The following SLC49A4 variants were observed in gnomAD, a reference collection of about 807,000 sequenced individuals.
The protein encoded by SLC49A4 is solute carrier family 49 member 4.
A neutral mutation model predicts 50.6 loss-of-function variants in SLC49A4; 36 were observed. That is an observed-to-expected ratio of 0.71 (90% CI 0.55 to 0.94). SLC49A4 has a LOEUF of 0.94. Ranked by LOEUF, SLC49A4 falls within the 40% of genes least tolerant of loss-of-function variation. SLC49A4 has a pLI of 0.00. For synonymous variants in SLC49A4, 248 were observed against 241.2 expected (o/e 1.03, Z -0.26); for missense variants, 503 against 605.7 (o/e 0.83, Z 1.78).
At chr3:122,831,662 C>T (rs1408208727) in intron 3 of SLC49A4, among the ~76,000 whole-genome samples, 1 of 151,922 alleles carries the variant, frequency 6.6e-6, no homozygotes, top group Non-Finnish European at 1.5e-5. Context: ...TGAAAAAATT[C>T]TAAAATTGAT....
At chr3:122,811,392 T>G (rs1286537287) in intron 2 of SLC49A4, among the ~76,000 whole-genome samples, 1 of 152,154 alleles carries the variant, frequency 6.6e-6, no homozygotes, top group Admixed American at 6.5e-5. Flanking sequence ...CAGACAGATG[T>G]CTATTTACTG....
intron 8 of SLC49A4, among the ~76,000 whole-genome samples, chr3:122,878,341 C>CTTTATGCCGAGGAGCTATG (rs1443573953): frequency 6.6e-6 from 1 of 152,196 alleles, no homozygotes; most frequent in South Asian, 2.1e-4. Context: ...TCACCAACCT[C>CTTTATGCCGAGGAGCTATG]TTTATGCCGA....
intron 1 of SLC49A4, among the ~76,000 whole-genome samples, chr3:122,795,926 A>C (rs1936030516): frequency 6.6e-6 from 1 of 152,220 alleles, no homozygotes; most frequent in Non-Finnish European, 1.5e-5. Context: ...AAAGGTCGGA[A>C]AATAGATTGA....
chr3:122,868,541 G>A (rs1163641834), intron 7 of SLC49A4, among the ~76,000 whole-genome samples: 4 of 152,196 alleles, frequency 2.6e-5, no homozygotes, highest in African/African-American at 7.2e-5. Flanking sequence ...CCCACTGAAT[G>A]TATGAGAACT....
At chr3:122,873,957 G>A (rs764066699) in intron 8 of SLC49A4, among the ~76,000 whole-genome samples, 3 of 152,186 alleles carry the variant, frequency 2.0e-5, no homozygotes, top group Non-Finnish European at 4.4e-5. Context: ...TTTTCCAGCC[G>A]ATGGGCACAG....
chr3:122,869,220 G>GT (rs1454550845), intron 7 of SLC49A4, among the ~76,000 whole-genome samples: 1 of 141,090 alleles, frequency 7.1e-6, no homozygotes, highest in Non-Finnish European at 1.5e-5. Flanking sequence ...CTACTCTCCT[G>GT]TGACCCCCCC....
intron 2 of SLC49A4, among the ~76,000 whole-genome samples, chr3:122,811,779 T>C (rs1936303560): frequency 6.6e-6 from 1 of 152,186 alleles, no homozygotes; most frequent in Non-Finnish European, 1.5e-5. Context: ...CAAAATATAT[T>C]GTTTAGTTAA....
At chr3:122,850,039 A>C (rs902969177) in intron 5 of SLC49A4, among the ~76,000 whole-genome samples, 5 of 152,212 alleles carry the variant, frequency 3.3e-5, no homozygotes, top group Non-Finnish European at 7.3e-5. Flanking sequence ...TTATATAAAC[A>C]TGCTCTTTGA....
Position 122,795,197 on chromosome 3 carries a change from GCT to G in SLC49A4, c.9_10del (p.Arg4LeufsTer140), listed in dbSNP as rs1254794739. Reference sequence around the variant, plus strand: ...CTTCGCGGGCGACGCGTCGCCATGGGCTCTCGCTGGAGCAGCGAAGAGGAGAG... The same window carrying G: ...CTTCGCGGGCGACGCGTCGCCATGGGCTCGCTGGAGCAGCGAAGAGGAGAG... On this transcript the variant is annotated frameshift_variant, in exon 1 of 9. Transcript: ENST00000261038. LOFTEE classifies it high-confidence loss of function. 2 of 1,324,364 alleles carry G rather than the reference GCT, an allele frequency of 1.5e-6. No homozygotes were observed. The highest frequency in any genetic ancestry group is 8.4e-5 in the Admixed American group (2 of 23,922). The allele number at this position is 1,324,364 out of a possible 1,614,324, so 82.0% of individuals were successfully genotyped here. A position where few individuals can be genotyped will look rare whatever the true frequency, so the allele number is the denominator to read the frequency against.
At chr3:122,819,615 C>G (rs1936423076) in intron 2 of SLC49A4, among the ~76,000 whole-genome samples, 1 of 152,104 alleles carries the variant, frequency 6.6e-6, no homozygotes, top group Non-Finnish European at 1.5e-5. Flanking sequence ...TGAAAGAAAA[C>G]TGAGGCTGTG....
chr3:122,836,503 G>A (rs2107569634), intron 4 of SLC49A4, among the ~76,000 whole-genome samples: 1 of 152,166 alleles, frequency 6.6e-6, no homozygotes, highest in African/African-American at 2.4e-5. Context: ...GATGATGCTG[G>A]CCTCATAAAA....
intron 5 of SLC49A4, among the ~76,000 whole-genome samples, chr3:122,847,505 C>T (rs939174845): frequency 5.9e-5 from 9 of 151,928 alleles, no homozygotes; most frequent in East Asian, 1.9e-4. Context: ...CTCCCACACC[C>T]GGCTAATTTT....
intron 7 of SLC49A4, among the ~76,000 whole-genome samples, chr3:122,863,297 G>A (rs949280501): frequency 6.6e-6 from 1 of 152,180 alleles, no homozygotes; most frequent in African/African-American, 2.4e-5. Context: ...CTACCAGTCT[G>A]AAAATCTGGA....
At chr3:122,874,805 G>A (rs978514897) in intron 8 of SLC49A4, among the ~76,000 whole-genome samples, 4 of 152,132 alleles carry the variant, frequency 2.6e-5, no homozygotes, top group African/African-American at 9.7e-5. Context: ...TGGCATTTTA[G>A]GCAGTTAATG....
At chr3:122,856,824 G>A (rs1412486760) in intron 6 of SLC49A4, among the ~76,000 whole-genome samples, 4 of 146,768 alleles carry the variant, frequency 2.7e-5, no homozygotes, top group Non-Finnish European at 6.0e-5. Flanking sequence ...GCAATAGAGT[G>A]AGACTCCATC....
chr3:122,833,563 T>A, intron 4 of SLC49A4, 117 bp downstream of exon 4: 2 of 914,062 alleles, frequency 2.2e-6, no homozygotes, highest in Non-Finnish European at 3.1e-6. Context: ...AGGTTGTAAG[T>A]AATTGATAAA....
In SLC49A4 at chr3:122,795,507, C is replaced by T. The variant is rs1166476372; in HGVS notation, c.315C>T (p.Phe105=). The T allele has an allele frequency of 6.2e-7, 1 of 1,601,852 alleles. No homozygotes were observed. The highest frequency in any genetic ancestry group is 2.2e-5 in the East Asian group (1 of 44,574). ...LWGPIGFLPC[F]AFMWLLDKRG... is the part of the protein sequence containing the mutation. ...GGCCCATCGGCTTCCTGCCCTGCTT[C>T]GCGTTCATGTGGCTCCTGGACAAGA... The change falls in exon 1 of 9, where the codon TTC becomes TTT. Residue 105 remains phenylalanine (F), a synonymous_variant. Transcript: ENST00000261038.
Position 122,795,494 on chromosome 3 carries a change from T to A in SLC49A4, c.302T>A (p.Phe101Tyr). 6.2e-7 allele frequency: 1 copy of A among 1,603,938 alleles called. No individual in the cohort carries two copies. Among genetic ancestry groups the A allele is most frequent in the Non-Finnish European group, 8.5e-7 (1 of 1,178,750 alleles). The change falls in exon 1 of 9, where the codon TTC (phenylalanine) becomes TAC (tyrosine). Residue 101 changes from phenylalanine (F) to tyrosine (Y), a missense_variant. Phe to Tyr is a conservative substitution (Grantham distance 22, BLOSUM62 3). Transcript: ENST00000261038. ...CTCGTGCTGTGGGGGCCCATCGGCTTCCTGCCCTGCTTCGCGTTCATGTGG... is the reference window on the plus strand; with the variant it reads ...CTCGTGCTGTGGGGGCCCATCGGCTACCTGCCCTGCTTCGCGTTCATGTGG... ...ALLVLWGPIG[F>Y]LPCFAFMWLL...
chr3:122,796,979 G>A (rs1404131516), intron 1 of SLC49A4, among the ~76,000 whole-genome samples: 1 of 152,170 alleles, frequency 6.6e-6, no homozygotes, highest in Non-Finnish European at 1.5e-5. Context: ...GCAATTGTCT[G>A]GCATGTAGTT....
Sources: allele counts gnomAD v4.1 joint callset (sites outside exome capture counted in the v4.1 genomes callset), GRCh38; gene constraint gnomAD v4.1.1; transcripts MANE v1.5; gene names NCBI Gene and HGNC (gene_info 2026-07-23, HGNC 2026-07-21).